The following GDA variants were observed in gnomAD, a reference collection of about 807,000 sequenced individuals.
GDA encodes cytoplasmic PSD-95 interactor.
A neutral mutation model predicts 59.6 loss-of-function variants in GDA; 18 were observed. The observed-to-expected ratio is 0.30, with a 90% CI of 0.21 to 0.45. The LOEUF is 0.45. Among genes scored for constraint, GDA ranks in the 20% least tolerant of loss-of-function variants. GDA has a pLI of 1.00. For synonymous variants in GDA, 201 were observed against 201.1 expected (o/e 1.00, Z 0.00); for missense variants, 427 against 552.3 (o/e 0.77, Z 2.27).
intron 1 of GDA, among the ~76,000 whole-genome samples, chr9:72,162,905 C>A (rs900293066): frequency 1.3e-5 from 2 of 152,194 alleles, no homozygotes; most frequent in African/African-American, 4.8e-5. Context: ...GATCCGCCCG[C>A]CTCGGCCTCC....
At chr9:72,196,433 G>A (rs940950306) in intron 2 of GDA, among the ~76,000 whole-genome samples, 4 of 149,834 alleles carry the variant, frequency 2.7e-5, no homozygotes, top group Middle Eastern at 6.9e-3. Flanking sequence ...GTTGCAGTGA[G>A]CCAAGATCAT....
intron 1 of GDA, among the ~76,000 whole-genome samples, chr9:72,161,822 A>T (rs1828667918): frequency 6.6e-6 from 1 of 152,214 alleles, no homozygotes; most frequent in African/African-American, 2.4e-5. Context: ...TTTGCACAAA[A>T]TTAGCATTCA....
chr9:72,186,701 C>T (rs780533774), intron 1 of GDA, among the ~76,000 whole-genome samples: 4 of 152,184 alleles, frequency 2.6e-5, no homozygotes, highest in Admixed American at 6.5e-5. Flanking sequence ...CCAACACTTC[C>T]GTGTTATTTA....
intron 1 of GDA, among the ~76,000 whole-genome samples, chr9:72,187,383 G>C (rs987448601): frequency 6.6e-6 from 1 of 152,172 alleles, no homozygotes; most frequent in Non-Finnish European, 1.5e-5. Flanking sequence ...GGCCTCGAGT[G>C]CTTCCCTCTT....
chr9:72,179,085 C>G (rs1170503658), intron 1 of GDA, among the ~76,000 whole-genome samples: 1 of 152,174 alleles, frequency 6.6e-6, no homozygotes, highest in Non-Finnish European at 1.5e-5. Context: ...CCATACTTCC[C>G]TCATCCTATT....
chr9:72,226,788 AACAGAGATTGG>A (rs1837643933), intron 8 of GDA, among the ~76,000 whole-genome samples: 1 of 152,180 alleles, frequency 6.6e-6, no homozygotes, highest in South Asian at 2.1e-4. Flanking sequence ...ATTTTATTTG[AACAGAGATTGG>A]GAAAGTTATA....
chr9:72,216,437 A>G (rs1353169431), intron 5 of GDA, among the ~76,000 whole-genome samples: 1 of 152,220 alleles, frequency 6.6e-6, no homozygotes, highest in East Asian at 1.9e-4. Context: ...CAAAATGTTC[A>G]TAACTGGTGA....
At chr9:72,202,849 G>A (rs1564042152) in intron 3 of GDA, 107 bp downstream of exon 3, 2 of 807,698 alleles carry the variant, frequency 2.5e-6, no homozygotes, top group East Asian at 2.6e-5. Flanking sequence ...AGCCTAAGAT[G>A]GGCCATAGAG....
chr9:72,159,532 G>A (rs766834590), intron 1 of GDA, among the ~76,000 whole-genome samples: 4 of 151,936 alleles, frequency 2.6e-5, no homozygotes, highest in East Asian at 1.9e-4. Flanking sequence ...GAAGGCCAAA[G>A]CAATCACAAG....
intron 1 of GDA, among the ~76,000 whole-genome samples, chr9:72,121,194 T>C (rs974976914): frequency 1.3e-5 from 2 of 152,232 alleles, no homozygotes; most frequent in Non-Finnish European, 2.9e-5. Flanking sequence ...TGTTGTTTTC[T>C]ACATTATGCA....
At chr9:72,141,205 T>C (rs7852643) in intron 1 of GDA, among the ~76,000 whole-genome samples, 3 of 152,114 alleles carry the variant, frequency 2.0e-5, no homozygotes, top group Admixed American at 6.6e-5. Flanking sequence ...CTAAAAGCAA[T>C]AACAAAAATT....
chr9:72,170,472 C>T (rs895235728), intron 1 of GDA, among the ~76,000 whole-genome samples: 2 of 152,052 alleles, frequency 1.3e-5, no homozygotes, highest in African/African-American at 2.4e-5. Context: ...GGGCACAAGC[C>T]GGGATCGCTG....
At chr9:72,142,865 T>C (rs1446322171) in intron 1 of GDA, among the ~76,000 whole-genome samples, 7 of 149,016 alleles carry the variant, frequency 4.7e-5, no homozygotes, top group African/African-American at 1.5e-4. Flanking sequence ...GCCTCCTGGG[T>C]TCAAGCGATT....
rs750645307 is a variant in GDA, at chr9:72,252,042, T to C, written c.*3700T>C. 6.6e-5 allele frequency: 10 copies of C among 152,622 alleles called. No homozygotes were observed. The highest frequency in any genetic ancestry group is 1.3e-4 in the Non-Finnish European group (9 of 68,026). The allele number at this position is 152,622 out of a possible 1,614,324, so 9.5% of individuals were successfully genotyped here. ...CAACCCAAAAGCCTGTCAGAAAGCA[T>C]TCTTTAGAGAAAACCACTTTACATT... On this transcript the variant is annotated 3_prime_UTR_variant, in exon 14 of 14. Coordinates refer to ENST00000358399, the MANE Select transcript of GDA (RefSeq NM_004293.5).
At chr9:72,242,387 A>T (rs1464175972) in intron 11 of GDA, among the ~76,000 whole-genome samples, 1 of 152,246 alleles carries the variant, frequency 6.6e-6, no homozygotes, top group Non-Finnish European at 1.5e-5. Context: ...AAAATTGGTC[A>T]CTGTATTTCT....
intron 1 of GDA, among the ~76,000 whole-genome samples, chr9:72,151,854 C>T (rs1564165451): frequency 6.6e-6 from 1 of 152,088 alleles, no homozygotes; most frequent in Non-Finnish European, 1.5e-5. Flanking sequence ...CCCCCTGCCT[C>T]GGCCTCCCAA....
intron 1 of GDA, among the ~76,000 whole-genome samples, chr9:72,184,127 G>A (rs543331209): frequency 1.3e-4 from 20 of 152,164 alleles, no homozygotes; most frequent in South Asian, 8.3e-4. Flanking sequence ...ATCCCCTGCC[G>A]GGACACATGC....
At chr9:72,213,309 C>T (rs371207829) in intron 4 of GDA, among the ~76,000 whole-genome samples, 46 of 152,028 alleles carry the variant, frequency 3.0e-4, no homozygotes, top group African/African-American at 1.1e-3. Context: ...AAAAAACCCA[C>T]CTGACAGCCT....
rs1840712248 is a variant in GDA, at chr9:72,251,779, C to T, written c.*3437C>T. 6.6e-6 allele frequency: 1 copy of T among 152,022 alleles called. No homozygotes were observed. The highest frequency in any genetic ancestry group is 2.4e-5 in the African/African-American group (1 of 41,388). 9.4% of individuals were successfully genotyped at this position (152,022 alleles called of 1,614,324 possible). A position where few individuals can be genotyped will look rare whatever the true frequency, so the allele number is the denominator to read the frequency against. On this transcript the variant is annotated 3_prime_UTR_variant, in exon 14 of 14. Transcript: ENST00000358399. The stretch of plus-strand genomic sequence containing the variant: ...TAACATTGGTCTCCGTGCATGTGTT[C>T]ACACCTGGTCTCACTGCCTTTCCTT...
Sources: gnomAD v4.1 joint callset for allele counts (sites outside exome capture counted in the v4.1 genomes callset) on GRCh38, gnomAD v4.1.1 for gene constraint, MANE v1.5 for transcripts, NCBI Gene and HGNC (gene_info 2026-07-23, HGNC 2026-07-21) for gene names.